Variants in TTLL1 observed in about 807,000 individuals in gnomAD.
The protein encoded by TTLL1 is polyglutamylase complex subunit TTLL1.
Under a neutral mutation model 47.8 loss-of-function variants are expected in TTLL1, and 33 were observed. The ratio of observed to expected loss-of-function variants is 0.69; its 90% CI spans 0.52 to 0.92. TTLL1 has a LOEUF of 0.92. Ranked by LOEUF, TTLL1 falls within the 40% of genes least tolerant of loss-of-function variation. The pLI, the probability that TTLL1 is intolerant of heterozygous loss-of-function variation, is 0.00. For missense variants in TTLL1, 488 were observed against 547.5 expected (o/e 0.89, Z 1.08); for synonymous variants, 225 against 214.1 (o/e 1.05, Z -0.45).
rs116122415 is a variant in TTLL1 at position 43,084,900 on chromosome 22, C to T, written c.-90+4377G>A. Among the ~76,000 whole-genome samples, 928 of 151,530 alleles carry T rather than the reference C, an allele frequency of 6.1e-3. 9 individuals are homozygous for T. The highest frequency in any genetic ancestry group is 0.022 in the African/African-American group (896 of 41,296). ...GCCCTGGCTGGGCACTGGAGCTCAA[C>T]CATGCCTGCACAGAGTAAGGAATGA... is the stretch of plus-strand genomic sequence containing the variant. On this transcript the variant is annotated intron_variant, in intron 1 of 10. Transcript: ENST00000266254.
intron 10 of TTLL1, among the ~76,000 whole-genome samples, chr22:43,045,389 C>G (rs1482347286): frequency 6.6e-6 from 1 of 151,656 alleles, no homozygotes; most frequent in East Asian, 1.9e-4. Flanking sequence ...GTAAAGCACT[C>G]TGCACAGTTT....
chr22:43,070,435 G>GGTACGGA (rs1928042774), intron 3 of TTLL1, among the ~76,000 whole-genome samples: 1 of 151,992 alleles, frequency 6.6e-6, no homozygotes, highest in Non-Finnish European at 1.5e-5. Flanking sequence ...GCAGGGAAGG[G>GGTACGGA]GTACGGAGGA....
Position 43,052,093 on chromosome 22 carries a change from G to A in TTLL1, c.892-206C>T, listed in dbSNP as rs1452926461. 6 of 575,482 alleles carry A rather than the reference G, an allele frequency of 1.0e-5. No individual in the cohort carries two copies. In the East Asian group the frequency reaches 1.8e-4, roughly 17 times the overall value. 35.6% of individuals were successfully genotyped at this position (575,482 alleles called of 1,614,324 possible). On this transcript the variant is annotated intron_variant, in intron 8 of 10. Transcript: ENST00000266254. ...GGCACTTTCCTCAGCCTGATAGAGG[G>A]AATTGATGAAGCCGTAATGGGCATC...
intron 2 of TTLL1, among the ~76,000 whole-genome samples, chr22:43,076,749 T>A (rs1185643936): frequency 6.6e-6 from 1 of 151,056 alleles, no homozygotes; most frequent in Non-Finnish European, 1.5e-5. Flanking sequence ...AGACTCCATC[T>A]CAAAATAATA....
At chr22:43,083,272 G>A (rs1929016188) in intron 1 of TTLL1, among the ~76,000 whole-genome samples, 1 of 152,130 alleles carries the variant, frequency 6.6e-6, no homozygotes, top group South Asian at 2.1e-4. Flanking sequence ...AGGAGGCTGA[G>A]GCAGGAGAAT....
intron 7 of TTLL1, among the ~76,000 whole-genome samples, chr22:43,059,882 G>T (rs1475740461): frequency 6.6e-6 from 1 of 152,082 alleles, no homozygotes; most frequent in East Asian, 1.9e-4. Flanking sequence ...TAGAGAAGAG[G>T]TCTCACTATG....
At chr22:43,049,290 A>G (rs1410769579) in intron 9 of TTLL1, among the ~76,000 whole-genome samples, 2 of 151,444 alleles carry the variant, frequency 1.3e-5, no homozygotes, top group Non-Finnish European at 2.9e-5. Context: ...TTGGGAGGCC[A>G]AGATGGGCAG....
intron 10 of TTLL1, among the ~76,000 whole-genome samples, chr22:43,045,858 G>A (rs146361652): frequency 1.4e-3 from 213 of 152,196 alleles, no homozygotes; most frequent in African/African-American, 4.7e-3. Context: ...CGGGGGCCTG[G>A]CACGTGATCA....
chr22:43,045,384 G>A (rs1017496314), intron 10 of TTLL1, among the ~76,000 whole-genome samples: 1 of 151,732 alleles, frequency 6.6e-6, no homozygotes, highest in African/African-American at 2.4e-5. Context: ...TGTGTGTAAA[G>A]CACTCTGCAC....
chr22:43,063,945 C>A, intron 6 of TTLL1, 24 bp from the exon 7 acceptor site: 1 of 1,607,342 alleles, frequency 6.2e-7, no homozygotes, highest in Non-Finnish European at 8.5e-7. Context: ...TAGATTAATT[C>A]AAACTCTGAG....
intron 1 of TTLL1, among the ~76,000 whole-genome samples, chr22:43,088,091 T>C (rs944839711): frequency 6.6e-6 from 1 of 150,796 alleles, no homozygotes; most frequent in Admixed American, 6.6e-5. Flanking sequence ...GAGGTTGCAG[T>C]GAGCCGAGAG....
chr22:43,075,746 G>C (rs1167174666), intron 2 of TTLL1, among the ~76,000 whole-genome samples, 156 bp from the exon 3 acceptor site: 1 of 152,190 alleles, frequency 6.6e-6, no homozygotes, highest in Non-Finnish European at 1.5e-5. Flanking sequence ...GGGACACCTG[G>C]CAATGTCTAG....
chr22:43,060,415 A>G (rs1230961114), intron 7 of TTLL1, among the ~76,000 whole-genome samples: 1 of 152,186 alleles, frequency 6.6e-6, no homozygotes, highest in Non-Finnish European at 1.5e-5. Flanking sequence ...ACAGCGCCCC[A>G]CGGTGGGCAG....
intron 9 of TTLL1, 130 bp downstream of exon 9, chr22:43,051,671 G>T: frequency 1.2e-6 from 1 of 867,530 alleles, no homozygotes; most frequent in South Asian, 1.4e-5. Flanking sequence ...AATCAAACTC[G>T]AACATCAGTC....
intron 3 of TTLL1, among the ~76,000 whole-genome samples, chr22:43,073,641 C>A (rs751783611): frequency 6.6e-6 from 1 of 151,522 alleles, no homozygotes; most frequent in Non-Finnish European, 1.5e-5. Flanking sequence ...CAGGCATGAG[C>A]CGCTGTGCCC....
chr22:43,078,242 T>C (rs926279268), intron 2 of TTLL1, among the ~76,000 whole-genome samples: 2 of 151,926 alleles, frequency 1.3e-5, no homozygotes, highest in Non-Finnish European at 2.9e-5. Context: ...ATGTCTACAA[T>C]CCCAGCACTT....
intron 3 of TTLL1, 22 bp from the exon 4 acceptor site, chr22:43,069,866 G>C (rs918949652): frequency 2.5e-6 from 4 of 1,612,944 alleles, no homozygotes; most frequent in Non-Finnish European, 2.5e-6. Context: ...GAGCAGGAGA[G>C]ACACTTGGCA....
intron 1 of TTLL1, among the ~76,000 whole-genome samples, chr22:43,081,601 G>A (rs1455268011): frequency 6.6e-6 from 1 of 152,006 alleles, no homozygotes; most frequent in Non-Finnish European, 1.5e-5. Context: ...CCAGGCTGGA[G>A]TGCAGTGGCG....
At chr22:43,080,685 T>G (rs1928817871) in intron 1 of TTLL1, among the ~76,000 whole-genome samples, 1 of 151,930 alleles carries the variant, frequency 6.6e-6, no homozygotes, top group African/African-American at 2.4e-5. Context: ...CTACCAATCA[T>G]TCAAGGTACA....
Sources: allele counts gnomAD v4.1 joint callset (sites outside exome capture counted in the v4.1 genomes callset), GRCh38; gene constraint gnomAD v4.1.1; transcripts MANE v1.5; gene names NCBI Gene and HGNC (gene_info 2026-07-23, HGNC 2026-07-21).